Variants in INSL6 observed in about 807,000 individuals in gnomAD.
The protein encoded by INSL6 is insulin-like peptide INSL6.
A neutral mutation model predicts 9.4 loss-of-function variants in INSL6; 16 were observed. That is an observed-to-expected ratio of 1.70 (90% CI 1.15 to 2.59). The LOEUF (loss-of-function observed/expected upper bound fraction) is 2.59. Among genes scored for constraint, INSL6 ranks in the 30% most tolerant of loss-of-function variants. The pLI, the probability that INSL6 is intolerant of heterozygous loss-of-function variation, is 0.00. For synonymous variants in INSL6, 154 were observed against 96.9 expected (o/e 1.59, Z -3.46); for missense variants, 391 against 257.3 (o/e 1.52, Z -3.56).
chr9:5,063,119 G>T, the INSL6 span, among the ~76,000 whole-genome samples: 2 of 151,988 alleles, frequency 1.3e-5, no homozygotes, highest in Non-Finnish European at 2.9e-5. Context: ...TTTGGTTGAG[G>T]ACTCTATTCT....
the INSL6 span, among the ~76,000 whole-genome samples, chr9:5,033,144 C>T: frequency 1.8e-4 from 27 of 152,026 alleles, no homozygotes; most frequent in African/African-American, 6.5e-4. Flanking sequence ...GAAAGGGTAT[C>T]AGAGATGGAA....
At chr9:5,126,246 A>AT (rs1823986927) in intron 3 of INSL6, 1 of 873,080 alleles carries the variant, frequency 1.1e-6, no homozygotes, top group Non-Finnish European at 1.8e-6. Context: ...CATATACTAA[A>AT]TTTTTTCCCA....
chr9:5,129,114 T>C (rs987966170), intron 3 of INSL6, among the ~76,000 whole-genome samples: 1 of 152,092 alleles, frequency 6.6e-6, no homozygotes, highest in African/African-American at 2.4e-5. Flanking sequence ...CTATAACTTC[T>C]GGTATTTAAA....
the INSL6 span, among the ~76,000 whole-genome samples, chr9:5,039,908 A>G: frequency 2.3e-3 from 351 of 152,334 alleles, 1 homozygote; most frequent in African/African-American, 7.5e-3. Flanking sequence ...TGTATGTTCA[A>G]TGCAATTCCT....
the INSL6 span, among the ~76,000 whole-genome samples, chr9:5,051,783 T>C: frequency 1.3e-5 from 2 of 152,184 alleles, no homozygotes; most frequent in Non-Finnish European, 2.9e-5. Context: ...TTCAGTCATT[T>C]CTTTGCCATG....
At chr9:5,051,924 A>T in the INSL6 span, among the ~76,000 whole-genome samples, 1 of 152,124 alleles carries the variant, frequency 6.6e-6, no homozygotes, top group East Asian at 1.9e-4. Flanking sequence ...CATAGGGTAT[A>T]ATTTTAGGAA....
chr9:5,020,852 A>AG, the INSL6 span, among the ~76,000 whole-genome samples: 2 of 151,986 alleles, frequency 1.3e-5, no homozygotes, highest in Non-Finnish European at 2.9e-5. Flanking sequence ...GTGGATATGC[A>AG]GGGGCTGTTG....
chr9:5,025,795 G>A, the INSL6 span, among the ~76,000 whole-genome samples: 25 of 152,096 alleles, frequency 1.6e-4, no homozygotes, highest in Non-Finnish European at 3.5e-4. Context: ...GCCTCTCAAA[G>A]TGTGTGAGCC....
intron 1 of INSL6, among the ~76,000 whole-genome samples, chr9:5,179,436 G>C (rs1825394373): frequency 1.3e-5 from 2 of 152,166 alleles, no homozygotes. Context: ...AGACAGTGTG[G>C]TGATTTCTCA....
intron 1 of INSL6, among the ~76,000 whole-genome samples, chr9:5,171,653 C>G (rs1419344329): frequency 6.6e-6 from 1 of 152,164 alleles, no homozygotes; most frequent in Admixed American, 6.5e-5. Flanking sequence ...TCTCAAGATA[C>G]AAAATCAACG....
chr9:5,149,708 AT>A (rs59001032), intron 2 of INSL6, among the ~76,000 whole-genome samples: 151,745 of 152,200 alleles, frequency 1, 75,647 homozygotes, highest in Middle Eastern at 1. Flanking sequence ...TAGCAATGTC[AT>A]TTTTTCACAG....
chr9:5,092,440 C>T, the INSL6 span, among the ~76,000 whole-genome samples: 2 of 152,160 alleles, frequency 1.3e-5, no homozygotes, highest in Admixed American at 1.3e-4. Flanking sequence ...ATCCAGCTTA[C>T]ACCCGGAAGA....
At chr9:5,156,827 T>C (rs895451170) in intron 2 of INSL6, among the ~76,000 whole-genome samples, 1 of 152,136 alleles carries the variant, frequency 6.6e-6, no homozygotes, top group African/African-American at 2.4e-5. Context: ...GAATTTACAA[T>C]GTTACAGGAT....
the INSL6 span, chr9:5,098,423 T>G: frequency 6.6e-6 from 1 of 152,214 alleles, no homozygotes; most frequent in African/African-American, 2.4e-5. Context: ...GACCACGTTC[T>G]TATAATTATT....
At chr9:5,085,541 G>C in the INSL6 span, 12 of 703,990 alleles carry the variant, frequency 1.7e-5, no homozygotes, top group Non-Finnish European at 3.2e-5. Flanking sequence ...TCAATAACTC[G>C]GGTTAAAATA....
intron 2 of INSL6, among the ~76,000 whole-genome samples, chr9:5,156,323 A>G (rs994642404): frequency 2.6e-5 from 4 of 152,230 alleles, no homozygotes; most frequent in Non-Finnish European, 5.9e-5. Context: ...GCAACACTTC[A>G]CAGCTCACTT....
the INSL6 span, chr9:5,098,362 G>C: frequency 6.6e-6 from 1 of 152,092 alleles, no homozygotes; most frequent in African/African-American, 2.4e-5. Context: ...AGTTCAATTA[G>C]GCCTTCAAGA....
the INSL6 span, among the ~76,000 whole-genome samples, chr9:5,016,669 GA>G: frequency 1.1e-4 from 17 of 152,226 alleles, no homozygotes; most frequent in African/African-American, 3.6e-4. Context: ...CTTAGATCAA[GA>G]AATAGAGTAT....
chr9:5,068,929 G>C, the INSL6 span: 2 of 711,964 alleles, frequency 2.8e-6, no homozygotes, highest in Non-Finnish European at 4.6e-6. Context: ...TGTTTATTCT[G>C]TTGCTTGTTC....
Sources: gnomAD v4.1 joint callset for allele counts (sites outside exome capture counted in the v4.1 genomes callset) on GRCh38, gnomAD v4.1.1 for gene constraint, MANE v1.5 for transcripts, NCBI Gene and HGNC (gene_info 2026-07-23, HGNC 2026-07-21) for gene names.